The following SGPP2 variants were observed in gnomAD, a reference collection of about 807,000 sequenced individuals.
The protein encoded by SGPP2 is sphingosine-1-phosphate phosphatase 2, also known as sphingosine 1-phosphate phosphohydrolase 2.
Under a neutral mutation model 33.9 loss-of-function variants are expected in SGPP2, and 30 were observed. The observed-to-expected ratio is 0.89, with a 90% CI of 0.66 to 1.20. The LOEUF (loss-of-function observed/expected upper bound fraction) is 1.20, where lower values mean the gene tolerates loss of function less well. Among genes scored for constraint, SGPP2 ranks in the 50% most tolerant of loss-of-function variants. The pLI is 0.00. For missense variants in SGPP2, 458 were observed against 532.1 expected (o/e 0.86, Z 1.37); for synonymous variants, 233 against 225.0 (o/e 1.04, Z -0.32).
intron 2 of SGPP2, among the ~76,000 whole-genome samples, chr2:222,491,594 T>C (rs1698198053): frequency 6.6e-6 from 1 of 152,108 alleles, no homozygotes; most frequent in Non-Finnish European, 1.5e-5. Flanking sequence ...TCCAATCACC[T>C]CCCACCTGGT....
chr2:222,480,936 T>G (rs1698019982), intron 2 of SGPP2, among the ~76,000 whole-genome samples: 1 of 152,242 alleles, frequency 6.6e-6, no homozygotes, highest in South Asian at 2.1e-4. Context: ...TGAGATCATG[T>G]CCTTTGCCAG....
At position 222,562,492 on chromosome 2, in the gene SGPP2, T is replaced by G. The variant is rs549877101; in HGVS notation, c.*3594T>G. On this transcript the variant is annotated 3_prime_UTR_variant, in exon 5 of 5. Coordinates refer to ENST00000321276, the MANE Select transcript of SGPP2 (RefSeq NM_152386.4). ...TGAGTGTAATCAAAGCATGTGGTGT[T>G]TTGGGGCCATATGCACCAGGTTTCT... Among the ~76,000 whole-genome samples, 4 of 152,294 alleles carry G rather than the reference T, an allele frequency of 2.6e-5. No homozygotes were observed. In the South Asian group the frequency reaches 8.3e-4, roughly 32 times the overall value.
chr2:222,535,151 C>G (rs953324690), intron 4 of SGPP2, among the ~76,000 whole-genome samples: 1 of 151,620 alleles, frequency 6.6e-6, no homozygotes, highest in Non-Finnish European at 1.5e-5. Context: ...CAAAGGCGGG[C>G]AGATCACCTG....
intron 2 of SGPP2, among the ~76,000 whole-genome samples, chr2:222,489,013 T>C (rs1358178877): frequency 6.6e-6 from 1 of 152,202 alleles, no homozygotes; most frequent in Non-Finnish European, 1.5e-5. Flanking sequence ...ACTTGGAAAT[T>C]AGCAAGTTGC....
intron 2 of SGPP2, among the ~76,000 whole-genome samples, chr2:222,511,354 A>T (rs1698524313): frequency 6.6e-6 from 1 of 152,226 alleles, no homozygotes; most frequent in African/African-American, 2.4e-5. Context: ...GCAGAAGAAG[A>T]AAATAGGCTA....
intron 1 of SGPP2, among the ~76,000 whole-genome samples, chr2:222,430,573 C>T (rs908099800): frequency 6.6e-6 from 1 of 152,186 alleles, no homozygotes; most frequent in Non-Finnish European, 1.5e-5. Flanking sequence ...CCTGCCTTGG[C>T]CTCCCAAAGT....
In SGPP2 at chr2:222,461,327, G is replaced by A. The variant is rs377530694; in HGVS notation, c.220-13241G>A. On this transcript the variant is annotated intron_variant, in intron 1 of 4. Coordinates refer to ENST00000321276, the MANE Select transcript of SGPP2 (RefSeq NM_152386.4). Reference sequence around the variant, plus strand: ...TTCCCCAGAGTTACCTAGCATGTCCGGCATTGGTCCCAAGGCTGGTGATGA... The same window carrying A: ...TTCCCCAGAGTTACCTAGCATGTCCAGCATTGGTCCCAAGGCTGGTGATGA... Among the ~76,000 whole-genome samples, 4 of 152,012 alleles carry A rather than the reference G, an allele frequency of 2.6e-5. No individual in the cohort carries two copies. In the East Asian group the frequency reaches 5.8e-4, roughly 22 times the overall value.
At chr2:222,521,394 G>A (rs951031881) in intron 2 of SGPP2, among the ~76,000 whole-genome samples, 1 of 152,154 alleles carries the variant, frequency 6.6e-6, no homozygotes, top group Admixed American at 6.5e-5. Context: ...GTGGATGAGT[G>A]TGCAATGGTT....
At chr2:222,468,904 C>T (rs1697796173) in intron 1 of SGPP2, among the ~76,000 whole-genome samples, 1 of 152,056 alleles carries the variant, frequency 6.6e-6, no homozygotes, top group Non-Finnish European at 1.5e-5. Flanking sequence ...CTGAAAAAAT[C>T]CCATTTTAGG....
intron 2 of SGPP2, among the ~76,000 whole-genome samples, chr2:222,519,758 CAT>C (rs1446801715): frequency 2.0e-5 from 3 of 152,190 alleles, no homozygotes; most frequent in Admixed American, 6.5e-5. Context: ...TAAGTGAGAA[CAT>C]GTGGTATTTG....
chr2:222,473,846 C>G (rs1321692056), intron 1 of SGPP2, among the ~76,000 whole-genome samples: 2 of 149,178 alleles, frequency 1.3e-5, no homozygotes, highest in East Asian at 4.0e-4. Context: ...ATCACTTGAA[C>G]CCAGGAGGCG....
At position 222,519,499 on chromosome 2, in the gene SGPP2, A is replaced by G. The variant is rs542924564; in HGVS notation, c.379-2268A>G. Among the ~76,000 whole-genome samples, 3 of 152,366 alleles carry G rather than the reference A, an allele frequency of 2.0e-5. 1 individual carries two copies. The South Asian group carries it at 6.2e-4, about 32-fold the overall frequency. ...TCCTATTCACTCCTTCACAAAGTAA[A>G]CAAGTCTGTTGTTAATAATCCTATT... On this transcript the variant is annotated intron_variant, in intron 2 of 4. Transcript: ENST00000321276.
chr2:222,494,586 G>T (rs1252822787), intron 2 of SGPP2, among the ~76,000 whole-genome samples: 1 of 152,230 alleles, frequency 6.6e-6, no homozygotes, highest in Non-Finnish European at 1.5e-5. Context: ...TGCCGAGGGC[G>T]CCAGCTTGGC....
chr2:222,424,647 C>A lies in SGPP2; in HGVS notation c.45C>A (p.Ala15=). 7.0e-7 allele frequency: 1 copy of A among 1,429,416 alleles called. No individual in the cohort carries two copies. The highest frequency in any genetic ancestry group is 9.2e-7 in the Non-Finnish European group (1 of 1,089,494). The allele number at this position is 1,429,416 out of a possible 1,614,324, so 88.5% of individuals were successfully genotyped here. A position where few individuals can be genotyped will look rare whatever the true frequency, so the allele number is the denominator to read the frequency against. ...LRSLQDSQLV[A]RFQRRCGLFP... Reference sequence around the variant, plus strand: ...GCCTGCAGGATTCCCAGCTCGTCGCCCGCTTCCAGCGCCGCTGCGGGCTCT... The same window carrying A: ...GCCTGCAGGATTCCCAGCTCGTCGCACGCTTCCAGCGCCGCTGCGGGCTCT... The change falls in exon 1 of 5, where the codon GCC becomes GCA. Residue 15 remains alanine (A), a synonymous_variant. Coordinates refer to ENST00000321276, the MANE Select transcript of SGPP2 (RefSeq NM_152386.4).
At chr2:222,538,339 G>A (rs114933268) in intron 4 of SGPP2, among the ~76,000 whole-genome samples, 2,253 of 152,282 alleles carry the variant, frequency 0.015, 24 homozygotes, top group South Asian at 0.027. Flanking sequence ...GCATATGAGA[G>A]AAAGGGAGAG....
chr2:222,543,735 C>G (rs1488407714), intron 4 of SGPP2, among the ~76,000 whole-genome samples: 2 of 152,198 alleles, frequency 1.3e-5, no homozygotes, highest in Non-Finnish European at 2.9e-5. Flanking sequence ...GCCAGTGCCA[C>G]TGTCATTATT....
chr2:222,504,453 TTC>T (rs1246578683), intron 2 of SGPP2: 3 of 152,286 alleles, frequency 2.0e-5, no homozygotes, highest in African/African-American at 7.2e-5. Context: ...ATCTTCACAG[TTC>T]TCTCCCATTC....
intron 2 of SGPP2, among the ~76,000 whole-genome samples, chr2:222,513,267 A>G (rs957873288): frequency 5.9e-5 from 9 of 152,252 alleles, no homozygotes; most frequent in Admixed American, 3.3e-4. Flanking sequence ...AATCTTAGAC[A>G]AAGCTATTCA....
chr2:222,516,663 G>T (rs979412650), intron 2 of SGPP2, among the ~76,000 whole-genome samples: 1 of 152,096 alleles, frequency 6.6e-6, no homozygotes, highest in Admixed American at 6.5e-5. Context: ...CAAAGTGGTG[G>T]TACCATTTTT....
Sources: allele counts gnomAD v4.1 joint callset (sites outside exome capture counted in the v4.1 genomes callset), GRCh38; gene constraint gnomAD v4.1.1; transcripts MANE v1.5; gene names NCBI Gene and HGNC (gene_info 2026-07-23, HGNC 2026-07-21).